LRRC4C: variants seen among roughly 807,000 people sequenced by gnomAD.
LRRC4C encodes the protein leucine-rich repeat-containing protein 4C.
Under a neutral mutation model 33.6 loss-of-function variants are expected in LRRC4C, and 5 were observed. The observed-to-expected ratio is 0.15, with a 90% CI of 0.08 to 0.31. LRRC4C has a LOEUF of 0.31. Among genes scored for constraint, LRRC4C ranks in the 10% least tolerant of loss-of-function variants. The pLI is 1.00. For synonymous variants in LRRC4C, 329 were observed against 302.0 expected (o/e 1.09, Z -0.93); for missense variants, 560 against 796.7 (o/e 0.70, Z 3.58).
intron 3 of LRRC4C, among the ~76,000 whole-genome samples, chr11:40,366,438 G>A (rs530904035): frequency 1.3e-5 from 2 of 152,120 alleles, no homozygotes; most frequent in African/African-American, 4.8e-5. Flanking sequence ...GAATTTGTGG[G>A]TTGAATATTG....
chr11:40,264,945 T>G (rs1942141060), intron 4 of LRRC4C, among the ~76,000 whole-genome samples: 2 of 152,186 alleles, frequency 1.3e-5, no homozygotes, highest in South Asian at 4.1e-4. Flanking sequence ...CACTGTCCAG[T>G]ATTGCTTTAC....
intron 2 of LRRC4C, among the ~76,000 whole-genome samples, chr11:40,911,251 A>C (rs1223361075): frequency 2.0e-5 from 3 of 152,196 alleles, no homozygotes; most frequent in African/African-American, 7.2e-5. Flanking sequence ...CTGCGTCCTC[A>C]AGAGGGTCCC....
rs73475376 is a variant in LRRC4C, at chr11:40,762,309, C to T, written c.-406-114031G>A. ...CATGAGAATCTAACTGTAGTTTAGT[C>T]ACTTAGCAAATGTGGGTCATTCCTT... On this transcript the variant is annotated intron_variant, in intron 2 of 6. Transcript: ENST00000528697. 8.9e-4 allele frequency among the ~76,000 whole-genome samples: 136 copies of T among 152,226 alleles called. 1 individual carries two copies. Among genetic ancestry groups the T allele is most frequent in the African/African-American group, 3.2e-3 (134 of 41,532 alleles).
At chr11:40,784,093 T>TATATAC (rs1055674967) in intron 2 of LRRC4C, among the ~76,000 whole-genome samples, 8 of 152,002 alleles carry the variant, frequency 5.3e-5, no homozygotes, top group Middle Eastern at 3.4e-3. Flanking sequence ...TATATATATA[T>TATATAC]ACATTCATTA....
chr11:40,839,349 C>G (rs953285564), intron 2 of LRRC4C, among the ~76,000 whole-genome samples: 6 of 152,132 alleles, frequency 3.9e-5, no homozygotes, highest in African/African-American at 1.4e-4. Flanking sequence ...AATTCTCAAG[C>G]AATTCTCCCG....
At chr11:40,296,028 A>AT (rs749077427) in intron 4 of LRRC4C, among the ~76,000 whole-genome samples, 54 of 152,272 alleles carry the variant, frequency 3.5e-4, no homozygotes, top group Non-Finnish European at 6.5e-4. Context: ...CTTTTTAGGG[A>AT]TTTTGACAGC....
intron 2 of LRRC4C, among the ~76,000 whole-genome samples, chr11:40,899,082 T>C (rs1462445439): frequency 7.1e-6 from 1 of 140,412 alleles, no homozygotes; most frequent in Non-Finnish European, 1.5e-5. Context: ...TTTCAGAATA[T>C]GGATGTGGTC....
chr11:41,417,534 T>A (rs1954729506), intron 1 of LRRC4C, among the ~76,000 whole-genome samples: 1 of 152,014 alleles, frequency 6.6e-6, no homozygotes, highest in Non-Finnish European at 1.5e-5. Context: ...TTGGCATAGG[T>A]CTAAACTTAC....
At chr11:41,124,443 C>T (rs1283281517) in intron 1 of LRRC4C, among the ~76,000 whole-genome samples, 1 of 152,130 alleles carries the variant, frequency 6.6e-6, no homozygotes, top group African/African-American at 2.4e-5. Flanking sequence ...TGCCAGTGGG[C>T]TAGGGAACTG....
chr11:40,849,487 G>T (rs1369922682), intron 2 of LRRC4C, among the ~76,000 whole-genome samples: 2 of 152,182 alleles, frequency 1.3e-5, no homozygotes, highest in African/African-American at 2.4e-5. Context: ...CTTCTGGCTT[G>T]CAGGGTTTCT....
intron 1 of LRRC4C, among the ~76,000 whole-genome samples, chr11:41,278,996 A>G (rs1399698419): frequency 6.6e-6 from 1 of 152,020 alleles, no homozygotes; most frequent in Non-Finnish European, 1.5e-5. Flanking sequence ...TCCCTGTTCT[A>G]GTCATCCCCA....
chr11:40,145,443 G>GA (rs571278496), intron 5 of LRRC4C, among the ~76,000 whole-genome samples: 1 of 151,892 alleles, frequency 6.6e-6, no homozygotes, highest in Non-Finnish European at 1.5e-5. Context: ...CAACCAATGG[G>GA]AAAAAAAGCC....
At chr11:40,655,243 C>T (rs1434406682) in intron 2 of LRRC4C, among the ~76,000 whole-genome samples, 1 of 152,154 alleles carries the variant, frequency 6.6e-6, no homozygotes, top group Non-Finnish European at 1.5e-5. Flanking sequence ...TAATCTCATA[C>T]TTAAGTAATA....
chr11:40,517,435 A>G (rs372723883), intron 3 of LRRC4C, among the ~76,000 whole-genome samples: 1 of 152,180 alleles, frequency 6.6e-6, no homozygotes, highest in Non-Finnish European at 1.5e-5. Context: ...AATTAAGAGG[A>G]CAGCGGAAAT....
At chr11:40,450,166 T>C (rs778384825) in intron 3 of LRRC4C, among the ~76,000 whole-genome samples, 33 of 152,170 alleles carry the variant, frequency 2.2e-4, no homozygotes, top group Non-Finnish European at 4.6e-4. Context: ...TCACTAAATA[T>C]GCCCTTCCCT....
At chr11:41,420,030 G>C (rs1411496734) in intron 1 of LRRC4C, among the ~76,000 whole-genome samples, 1 of 151,862 alleles carries the variant, frequency 6.6e-6, no homozygotes, top group Admixed American at 6.6e-5. Flanking sequence ...GATGCGGTGG[G>C]AGAAGTGCTT....
At chr11:41,076,563 A>G (rs1939165014) in intron 1 of LRRC4C, among the ~76,000 whole-genome samples, 1 of 152,174 alleles carries the variant, frequency 6.6e-6, no homozygotes, top group Non-Finnish European at 1.5e-5. Flanking sequence ...CAAGAACAGC[A>G]AGGAGGAAAT....
chr11:40,477,549 A>T (rs1363138516), intron 3 of LRRC4C, among the ~76,000 whole-genome samples: 1 of 152,148 alleles, frequency 6.6e-6, no homozygotes, highest in Non-Finnish European at 1.5e-5. Context: ...CCCTTCTAAA[A>T]AAAAAAGTCT....
chr11:40,924,744 T>C (rs572467262), intron 2 of LRRC4C, among the ~76,000 whole-genome samples: 1 of 152,094 alleles, frequency 6.6e-6, no homozygotes, highest in South Asian at 2.1e-4. Context: ...TATTGAAATA[T>C]CATATATATA....
Sources: gnomAD v4.1 joint callset for allele counts (sites outside exome capture counted in the v4.1 genomes callset) on GRCh38, gnomAD v4.1.1 for gene constraint, MANE v1.5 for transcripts, NCBI Gene and HGNC (gene_info 2026-07-23, HGNC 2026-07-21) for gene names.